The following PAG1 variants were observed in gnomAD, a reference collection of about 807,000 sequenced individuals.
PAG1 encodes the protein phosphoprotein associated with glycosphingolipid-enriched microdomains 1.
Under a neutral mutation model 31.7 loss-of-function variants are expected in PAG1, and 23 were observed. The observed-to-expected ratio is 0.73, with a 90% CI of 0.52 to 1.03. The LOEUF (loss-of-function observed/expected upper bound fraction) is 1.03, where lower values mean the gene tolerates loss of function less well. Among genes scored for constraint, PAG1 ranks in the 50% least tolerant of loss-of-function variants. The probability of loss-of-function intolerance (pLI) is 0.00; values close to 1 mark genes in which losing one functional copy is unlikely to be tolerated. For synonymous variants in PAG1, 214 were observed against 210.3 expected, an observed-to-expected ratio of 1.02 and a Z score of -0.15; for missense variants, 473 against 540.7, an observed-to-expected ratio of 0.87 and a Z score of 1.24.
intron 1 of PAG1, among the ~76,000 whole-genome samples, chr8:81,108,439 T>C (rs937377074): frequency 2.0e-5 from 3 of 152,336 alleles, no homozygotes; most frequent in African/African-American, 7.2e-5. Context: ...TTTTGATTTT[T>C]TTTTTAAAGC....
intron 3 of PAG1, among the ~76,000 whole-genome samples, chr8:81,012,170 C>T (rs1807997164): frequency 6.6e-6 from 1 of 152,130 alleles, no homozygotes; most frequent in African/African-American, 2.4e-5. Context: ...GTAATCTTAT[C>T]CTTCCATTAT....
chr8:81,086,580 G>A (rs180973075), intron 1 of PAG1, among the ~76,000 whole-genome samples: 68 of 152,122 alleles, frequency 4.5e-4, no homozygotes, highest in African/African-American at 1.6e-3. Context: ...GAAACATATA[G>A]AAGTGGAATA....
chr8:81,045,209 G>T (rs1808621545), intron 2 of PAG1, among the ~76,000 whole-genome samples: 1 of 152,192 alleles, frequency 6.6e-6, no homozygotes, highest in Non-Finnish European at 1.5e-5. Context: ...ATGAGGTAGA[G>T]TATGTCAGGC....
chr8:81,069,322 A>G (rs1809057763), intron 2 of PAG1, among the ~76,000 whole-genome samples: 2 of 152,246 alleles, frequency 1.3e-5, no homozygotes, highest in Non-Finnish European at 2.9e-5. Flanking sequence ...AGACCAGATG[A>G]ATTCCTTTCC....
intron 1 of PAG1, among the ~76,000 whole-genome samples, chr8:81,083,901 G>A (rs1046004188): frequency 6.6e-6 from 1 of 152,078 alleles, no homozygotes; most frequent in Non-Finnish European, 1.5e-5. Flanking sequence ...CAGGCGTGGT[G>A]GTGCATGCCT....
At chr8:81,031,142 G>A (rs931380455) in intron 2 of PAG1, among the ~76,000 whole-genome samples, 10 of 152,216 alleles carry the variant, frequency 6.6e-5, no homozygotes, top group African/African-American at 2.4e-4. Context: ...AGAGTCAGCA[G>A]AATATTTATA....
intron 1 of PAG1, among the ~76,000 whole-genome samples, chr8:81,110,181 A>G (rs1160140619): frequency 6.6e-6 from 1 of 152,214 alleles, no homozygotes; most frequent in African/African-American, 2.4e-5. Context: ...ACATTAAAAC[A>G]TACCCCTGAG....
At chr8:81,039,865 AT>A (rs539547867) in intron 2 of PAG1, among the ~76,000 whole-genome samples, 1 of 152,184 alleles carries the variant, frequency 6.6e-6, no homozygotes, top group Non-Finnish European at 1.5e-5. Flanking sequence ...TTTCAATTGT[AT>A]TTTTTCCAGT....
intron 2 of PAG1, among the ~76,000 whole-genome samples, chr8:81,055,345 T>C (rs1414365796): frequency 6.6e-6 from 1 of 152,220 alleles, no homozygotes; most frequent in Non-Finnish European, 1.5e-5. Context: ...AAAATAAACA[T>C]TTGGAGAATT....
At chr8:80,987,254 A>T in intron 6 of PAG1, 116 bp downstream of exon 6, 1 of 691,902 alleles carries the variant, frequency 1.4e-6, no homozygotes, top group Non-Finnish European at 2.6e-6. Context: ...AACTGCTAGG[A>T]ATACTAAAAC....
chr8:80,995,723 G>A (rs897395115), intron 3 of PAG1, among the ~76,000 whole-genome samples: 1 of 152,208 alleles, frequency 6.6e-6, no homozygotes, highest in Non-Finnish European at 1.5e-5. Flanking sequence ...TGCTGTGTGA[G>A]TTATTCAAAA....
chr8:81,076,318 T>C (rs1441479874), intron 1 of PAG1, among the ~76,000 whole-genome samples: 1 of 152,224 alleles, frequency 6.6e-6, no homozygotes, highest in Admixed American at 6.5e-5. Context: ...CAGCCCATGA[T>C]TCAGAGATAA....
intron 7 of PAG1, among the ~76,000 whole-genome samples, chr8:80,982,782 A>C (rs992320688): frequency 3.9e-5 from 6 of 152,066 alleles, no homozygotes; most frequent in Non-Finnish European, 7.4e-5. Context: ...CCAGCCTCGT[A>C]CTCATCACTG....
At chr8:81,045,064 C>G (rs766072734) in intron 2 of PAG1, among the ~76,000 whole-genome samples, 4 of 152,232 alleles carry the variant, frequency 2.6e-5, no homozygotes, top group Non-Finnish European at 5.9e-5. Flanking sequence ...CATTCAACAT[C>G]TCCTAGCAAA....
At chr8:81,041,385 T>C (rs1319648920) in intron 2 of PAG1, among the ~76,000 whole-genome samples, 1 of 152,188 alleles carries the variant, frequency 6.6e-6, no homozygotes, top group African/African-American at 2.4e-5. Flanking sequence ...TTACCAGATC[T>C]TCATGTTATT....
chr8:81,082,932 T>C (rs1252991041), intron 1 of PAG1, among the ~76,000 whole-genome samples: 1 of 152,038 alleles, frequency 6.6e-6, no homozygotes, highest in Non-Finnish European at 1.5e-5. Context: ...CTTCATTCAG[T>C]GTGAGATCTT....
chr8:81,091,565 C>T (rs1017809626), intron 1 of PAG1, among the ~76,000 whole-genome samples: 7 of 152,092 alleles, frequency 4.6e-5, no homozygotes, highest in African/African-American at 1.7e-4. Flanking sequence ...GTACTGAATA[C>T]TGTAAGGCCA....
intron 7 of PAG1, among the ~76,000 whole-genome samples, chr8:80,981,862 C>CCTTTTTTTTTTTT (rs1554598378): frequency 9.7e-6 from 1 of 103,428 alleles, no homozygotes; most frequent in Non-Finnish European, 1.7e-5. Flanking sequence ...ATCTCACTTC[C>CCTTTTTTTTTTTT]TTTTTTTTTT....
At chr8:81,000,206 T>C (rs1807760335) in intron 3 of PAG1, among the ~76,000 whole-genome samples, 2 of 152,164 alleles carry the variant, frequency 1.3e-5, no homozygotes. Context: ...TCCCACCATA[T>C]TCCTAGCACC....
Sources: gnomAD v4.1 joint callset for allele counts (sites outside exome capture counted in the v4.1 genomes callset) on GRCh38, gnomAD v4.1.1 for gene constraint, MANE v1.5 for transcripts, NCBI Gene and HGNC (gene_info 2026-07-23, HGNC 2026-07-21) for gene names.